The following AFF1 variants were observed in gnomAD, a reference collection of about 807,000 sequenced individuals.
The protein encoded by AFF1 is AF4/FMR2 family member 1.
In AFF1, 48 loss-of-function variants were observed where a neutral mutation model predicts 121.7. The ratio of observed to expected loss-of-function variants is 0.39; its 90% CI spans 0.31 to 0.50. The LOEUF (loss-of-function observed/expected upper bound fraction) is 0.50. Ranked by LOEUF, AFF1 falls within the 20% of genes least tolerant of loss-of-function variation. AFF1 has a pLI of 0.76. For missense variants in AFF1, 1,523 were observed against 1,511.7 expected (o/e 1.01, Z -0.12); for synonymous variants, 613 against 563.0 (o/e 1.09, Z -1.26).
rs375193282 is a variant in AFF1 at position 87,050,151 on chromosome 4, A to G, written c.1059+2557A>G. Among the ~76,000 whole-genome samples the G allele has an allele frequency of 5.9e-5, 9 of 152,312 alleles. No individual in the cohort carries two copies. In the East Asian group the frequency reaches 1.5e-3, roughly 26 times the overall value. On this transcript the variant is annotated intron_variant, in intron 4 of 20. Coordinates refer to ENST00000395146, the MANE Select transcript of AFF1 (RefSeq NM_001166693.3). ...CCCAGAGCAGGTAAACTTTGAATAT[A>G]GGTGAGAATATTACCAATAGCCTGG... is the stretch of plus-strand genomic sequence containing the variant.
intron 2 of AFF1, among the ~76,000 whole-genome samples, chr4:87,013,032 CTTTTTTTTTTTTTTTTTTTT>C (rs61071328): frequency 0.062 from 5,803 of 93,694 alleles, 295 homozygotes; most frequent in African/African-American, 0.16. Flanking sequence ...CTATCAAGTT[CTTTTTTTTTTTTTTTTTTTT>C]TTTTTTGGGA....
intron 4 of AFF1, among the ~76,000 whole-genome samples, chr4:87,060,189 G>A (rs1325041131): frequency 1.3e-5 from 2 of 152,122 alleles, no homozygotes; most frequent in Non-Finnish European, 2.9e-5. Context: ...CCATTCATTA[G>A]GAATTTTTAG....
intron 5 of AFF1, among the ~76,000 whole-genome samples, chr4:87,088,153 G>A (rs1231786994): frequency 1.0e-5 from 1 of 98,538 alleles, no homozygotes; most frequent in Non-Finnish European, 2.0e-5. Context: ...GACATGGCTG[G>A]TAAGGATTGG....
intron 2 of AFF1, among the ~76,000 whole-genome samples, chr4:87,032,460 C>T (rs1218036323): frequency 2.0e-5 from 3 of 152,184 alleles, no homozygotes; most frequent in African/African-American, 7.2e-5. Flanking sequence ...AACAAAAGCG[C>T]TGATGGTTCT....
chr4:87,140,300 C>T lies in AFF1; in HGVS notation c.*4599C>T, dbSNP rs115192604. The T allele has an allele frequency of 0.017, 3,275 of 194,368 alleles. 128 individuals are homozygous for T. Among genetic ancestry groups the T allele is most frequent in the African/African-American group, 0.072 (3,093 of 43,204 alleles). 12.0% of individuals were successfully genotyped at this position (194,368 alleles called of 1,614,324 possible). On this transcript the variant is annotated 3_prime_UTR_variant, in exon 21 of 21. Coordinates refer to ENST00000395146, the MANE Select transcript of AFF1 (RefSeq NM_001166693.3). ...TCGACATGTATTGTTAAAATTACTG[C>T]ATATCCCCCTCAGATATCAAGTATA...
At chr4:87,056,139 T>C (rs1459599057) in intron 4 of AFF1, among the ~76,000 whole-genome samples, 2 of 152,192 alleles carry the variant, frequency 1.3e-5, no homozygotes, top group Non-Finnish European at 2.9e-5. Flanking sequence ...CTAATCTTCT[T>C]AATCCCTTTG....
chr4:87,039,504 G>A (rs943666219), intron 2 of AFF1, among the ~76,000 whole-genome samples: 2 of 152,210 alleles, frequency 1.3e-5, no homozygotes, highest in Non-Finnish European at 2.9e-5. Flanking sequence ...TCAGTGAAAC[G>A]TCTGTGGCAC....
At chr4:87,038,458 GT>G (rs930742859) in intron 2 of AFF1, among the ~76,000 whole-genome samples, 103 of 152,292 alleles carry the variant, frequency 6.8e-4, no homozygotes, top group African/African-American at 2.3e-3. Context: ...AAGCCAATGT[GT>G]GAAAAATGTT....
At position 86,935,228 on chromosome 4, in the gene AFF1, AAGG is replaced by A. The variant is rs1371708266; in HGVS notation, c.-48_-46del. 1 of 152,248 alleles carries A rather than the reference AAGG, an allele frequency of 6.6e-6. No homozygotes were observed. 9.4% of individuals were successfully genotyped at this position (152,248 alleles called of 1,614,324 possible). A position where few individuals can be genotyped will look rare whatever the true frequency, so the allele number is the denominator to read the frequency against. ...CGCCCGACCCGGGACTAGAGGACGG[AAGG>A]GTCTGGAAGGTGAGCGCAGCCCTGC... On this transcript the variant is annotated 5_prime_UTR_variant, in exon 1 of 21. Transcript: ENST00000395146.
rs573618615 is a variant in AFF1, at chr4:87,041,710, G to GTTATTGAAAGGTGA, written c.39-4448_39-4435dup. On this transcript the variant is annotated intron_variant, in intron 2 of 20. Transcript: ENST00000395146. ...TTATTAAAGTGACAGTTAACTTATAGTTATTGAAAGGTGATTATTGACAGC... is the reference window on the plus strand; with the variant it reads ...TTATTAAAGTGACAGTTAACTTATAGTTATTGAAAGGTGATTATTGAAAGGTGATTATTGACAGC... 2.3e-3 allele frequency among the ~76,000 whole-genome samples: 348 copies of GTTATTGAAAGGTGA among 152,066 alleles called. 2 individuals are homozygous for GTTATTGAAAGGTGA. Among genetic ancestry groups the GTTATTGAAAGGTGA allele is most frequent in the Admixed American group, 7.2e-3 (110 of 15,262 alleles).
At chr4:87,027,574 C>A (rs936686750) in intron 2 of AFF1, among the ~76,000 whole-genome samples, 1 of 152,166 alleles carries the variant, frequency 6.6e-6, no homozygotes, top group Non-Finnish European at 1.5e-5. Flanking sequence ...GGGCACACAA[C>A]GATCCTACCA....
chr4:87,035,066 A>G (rs1335450937), intron 2 of AFF1, among the ~76,000 whole-genome samples: 1 of 152,230 alleles, frequency 6.6e-6, no homozygotes, highest in African/African-American at 2.4e-5. Flanking sequence ...ATAAACGTAG[A>G]CAGCCTAGGT....
chr4:86,985,181 C>CTATAGATATATATATA (rs1724122798), intron 2 of AFF1, among the ~76,000 whole-genome samples: 1 of 96,518 alleles, frequency 1.0e-5, no homozygotes, highest in African/African-American at 5.0e-5. Flanking sequence ...ATATGTATTA[C>CTATAGATATATATATA]TATATATATA....
At chr4:86,965,599 G>A (rs1722480155) in intron 2 of AFF1, among the ~76,000 whole-genome samples, 1 of 152,178 alleles carries the variant, frequency 6.6e-6, no homozygotes, top group African/African-American at 2.4e-5. Context: ...TTTGCTCCAA[G>A]ATGGCTCACA....
chr4:87,073,995 G>A (rs905967195), intron 4 of AFF1, among the ~76,000 whole-genome samples: 4 of 141,608 alleles, frequency 2.8e-5, no homozygotes, highest in Admixed American at 6.7e-5. Flanking sequence ...GTGTGTGCAT[G>A]TGTGTGTAGG....
intron 2 of AFF1, among the ~76,000 whole-genome samples, chr4:86,998,301 TAGTCTC>T: frequency 6.6e-6 from 1 of 152,220 alleles, no homozygotes; most frequent in Non-Finnish European, 1.5e-5. Context: ...GCAAACAAGC[TAGTCTC>T]GCTAGAAGAA....
chr4:87,118,961 A>G (rs1467117974), intron 12 of AFF1, among the ~76,000 whole-genome samples: 1 of 152,128 alleles, frequency 6.6e-6, no homozygotes. Flanking sequence ...TTGGTTTCCC[A>G]TTGGTTCACT....
intron 1 of AFF1, chr4:86,936,566 C>T (rs1720015272): frequency 6.6e-6 from 1 of 152,164 alleles, no homozygotes; most frequent in Non-Finnish European, 1.5e-5. Flanking sequence ...GACCTTTGGA[C>T]CCAGAGTCTA....
At chr4:86,965,369 A>C (rs560939407) in intron 2 of AFF1, among the ~76,000 whole-genome samples, 51 of 152,308 alleles carry the variant, frequency 3.3e-4, no homozygotes, top group African/African-American at 1.2e-3. Context: ...TTCTCACAGC[A>C]GTGTTTTTGT....
Sources: gnomAD v4.1 joint callset for allele counts (sites outside exome capture counted in the v4.1 genomes callset) on GRCh38, gnomAD v4.1.1 for gene constraint, MANE v1.5 for transcripts, NCBI Gene and HGNC (gene_info 2026-07-23, HGNC 2026-07-21) for gene names.